SETBP1: variants seen among roughly 807,000 people sequenced by gnomAD.
SETBP1 encodes the protein SET-binding protein.
A neutral mutation model predicts 101.0 loss-of-function variants in SETBP1; 9 were observed. The ratio of observed to expected loss-of-function variants is 0.09; its 90% confidence interval spans 0.05 to 0.16. SETBP1 has a LOEUF of 0.16. Ranked by LOEUF, SETBP1 falls within the 10% of genes least tolerant of loss-of-function variation. The pLI is 1.00. For synonymous variants in SETBP1, 818 were observed against 788.5 expected, an observed-to-expected ratio of 1.04 and a Z score of -0.63; for missense variants, 1,858 against 2,033.8, an observed-to-expected ratio of 0.91 and a Z score of 1.66.
intron 2 of SETBP1, among the ~76,000 whole-genome samples, chr18:44,783,406 A>G (rs1487369720): frequency 6.6e-6 from 1 of 152,206 alleles, no homozygotes; most frequent in African/African-American, 2.4e-5. Flanking sequence ...AAGAAAAGGA[A>G]GGAAATCAAT....
intron 4 of SETBP1, among the ~76,000 whole-genome samples, chr18:44,979,325 G>T (rs1443352084): frequency 6.6e-6 from 1 of 152,162 alleles, no homozygotes; most frequent in African/African-American, 2.4e-5. Flanking sequence ...TTTCATATTT[G>T]CCTGGCCCTT....
intron 5 of SETBP1, among the ~76,000 whole-genome samples, chr18:45,039,304 C>T (rs1049285030): frequency 3.3e-5 from 5 of 152,212 alleles, no homozygotes; most frequent in African/African-American, 7.2e-5. Flanking sequence ...GTCCTTTCCA[C>T]CTCTGTTCCC....
intron 2 of SETBP1, among the ~76,000 whole-genome samples, chr18:44,806,261 ACT>A (rs2144802949): frequency 6.6e-6 from 1 of 152,246 alleles, no homozygotes; most frequent in Non-Finnish European, 1.5e-5. Flanking sequence ...TAACTTTCAA[ACT>A]CTGTTTTTGG....
intron 2 of SETBP1, among the ~76,000 whole-genome samples, chr18:44,780,725 A>G (rs1301516158): frequency 6.6e-6 from 1 of 152,210 alleles, no homozygotes; most frequent in East Asian, 1.9e-4. Context: ...GTTATGGTCT[A>G]CTGAGGAATA....
intron 2 of SETBP1, among the ~76,000 whole-genome samples, chr18:44,835,686 T>G (rs926342919): frequency 6.6e-6 from 1 of 152,240 alleles, no homozygotes; most frequent in African/African-American, 2.4e-5. Context: ...CATAGGAAGA[T>G]GCTGAGGCCC....
chr18:44,952,375 A>G lies in SETBP1; in HGVS notation c.3035A>G (p.Asp1012Gly). The G allele has an allele frequency of 6.2e-7, 1 of 1,614,090 alleles. No homozygotes were observed. The highest frequency in any genetic ancestry group is 8.5e-7 in the Non-Finnish European group (1 of 1,180,014). The change falls in exon 4 of 6, where the codon GAC becomes GGC. Residue 1012 changes from aspartate to glycine, a missense_variant. Physicochemically the swap from Asp to Gly is moderately conservative, Grantham distance 94. This residue lies in a region of SETBP1 where 255 missense variants were observed against 300.1 expected (regional missense o/e 0.85). Coordinates refer to ENST00000649279, the MANE Select transcript of SETBP1 (RefSeq NM_015559.3). ...DPLLYLRRTSDLKSKKKRGRP... is the reference protein window; with the variant it reads ...DPLLYLRRTSGLKSKKKRGRP... ...TTGCTCTATCTTCGTAGGACTTCAG[A>G]CTTGAAGTCAAAGAAGAAGCGTGGT...
chr18:44,831,715 T>A (rs147590148), intron 2 of SETBP1, among the ~76,000 whole-genome samples: 1 of 152,304 alleles, frequency 6.6e-6, no homozygotes, highest in East Asian at 1.9e-4. Context: ...GCCATATACA[T>A]GTTCTATAAA....
intron 2 of SETBP1, among the ~76,000 whole-genome samples, chr18:44,807,069 C>T (rs926109952): frequency 3.9e-5 from 6 of 152,132 alleles, no homozygotes; most frequent in Non-Finnish European, 8.8e-5. Flanking sequence ...CACCCCCTAA[C>T]TACACTGTAA....
rs566595507 is a variant in SETBP1 at position 44,855,405 on chromosome 18, A to C, written c.487-13825A>C. Among the ~76,000 whole-genome samples, 58 of 152,316 alleles carry C rather than the reference A, an allele frequency of 3.8e-4. 1 individual carries two copies. The South Asian group carries it at 0.012, about 30-fold the overall frequency. On this transcript the variant is annotated intron_variant, in intron 2 of 5. Coordinates refer to ENST00000649279, the MANE Select transcript of SETBP1 (RefSeq NM_015559.3). The stretch of plus-strand genomic sequence containing the variant: ...ATCTTTCACATGAACTCCGTGCAAA[A>C]GTCTGACTACCCTCACACCTGGATT...
intron 4 of SETBP1, among the ~76,000 whole-genome samples, chr18:45,002,738 T>C (rs1405914284): frequency 6.6e-6 from 1 of 152,232 alleles, no homozygotes; most frequent in Non-Finnish European, 1.5e-5. Context: ...AGCAACTCTC[T>C]CATCTGAAGA....
rs571288224 is a variant in SETBP1 at position 44,787,471 on chromosome 18, T to C, written c.487-81759T>C. Among the ~76,000 whole-genome samples the C allele has an allele frequency of 2.6e-5, 4 of 152,282 alleles. No homozygotes were observed. The East Asian group carries it at 7.7e-4, about 29-fold the overall frequency. ...GGCGCTCTTCATTTTATGAGATAGA[T>C]GAATTACTGAAAAAAATACACAGAC... On this transcript the variant is annotated intron_variant, in intron 2 of 5. Transcript: ENST00000649279.
At chr18:44,809,717 G>T (rs1413406791) in intron 2 of SETBP1, among the ~76,000 whole-genome samples, 1 of 152,202 alleles carries the variant, frequency 6.6e-6, no homozygotes, top group African/African-American at 2.4e-5. Context: ...GGTGAGGGGT[G>T]AAAGGAGCAG....
chr18:44,971,986 C>A (rs976193432), intron 4 of SETBP1, among the ~76,000 whole-genome samples: 1 of 152,164 alleles, frequency 6.6e-6, no homozygotes, highest in Non-Finnish European at 1.5e-5. Flanking sequence ...CCTAGGTTTT[C>A]TTCTAGGGTT....
chr18:44,863,356 T>C (rs1374650580), intron 2 of SETBP1, among the ~76,000 whole-genome samples: 1 of 152,252 alleles, frequency 6.6e-6, no homozygotes, highest in Non-Finnish European at 1.5e-5. Flanking sequence ...ACTGGGTAAG[T>C]CACTTTATCT....
intron 2 of SETBP1, among the ~76,000 whole-genome samples, chr18:44,770,593 T>G (rs2070851415): frequency 6.6e-6 from 1 of 152,238 alleles, no homozygotes; most frequent in Admixed American, 6.5e-5. Flanking sequence ...TTTGTTTTTG[T>G]TTTTGTTTTC....
chr18:44,842,381 C>A (rs534521727), intron 2 of SETBP1, among the ~76,000 whole-genome samples: 2 of 152,318 alleles, frequency 1.3e-5, no homozygotes, highest in African/African-American at 4.8e-5. Flanking sequence ...ATTGTTAAAT[C>A]ACAACCAAAT....
rs374137265 is a variant in SETBP1, at chr18:44,970,481, T to C, written c.4000+17141T>C. ...CACCTATAGTATACCAACCTTTATT[T>C]CATATTTTGTTTACAACGATTCTAG... On this transcript the variant is annotated intron_variant, in intron 4 of 5. Transcript: ENST00000649279. Among the ~76,000 whole-genome samples the C allele has an allele frequency of 2.3e-3, 346 of 152,336 alleles. 1 individual carries two copies. Among genetic ancestry groups the C allele is most frequent in the African/African-American group, 8.1e-3 (338 of 41,572 alleles).
chr18:44,920,722 G>A (rs2070560283), intron 3 of SETBP1, among the ~76,000 whole-genome samples: 1 of 152,164 alleles, frequency 6.6e-6, no homozygotes, highest in Admixed American at 6.5e-5. Flanking sequence ...TATCACATGA[G>A]TTAGAGCCCT....
At chr18:44,946,231 T>C (rs2071204579) in intron 3 of SETBP1, among the ~76,000 whole-genome samples, 1 of 152,154 alleles carries the variant, frequency 6.6e-6, no homozygotes, top group South Asian at 2.1e-4. Flanking sequence ...CCCTGCACTT[T>C]GATTGCTGAG....
Sources: allele counts gnomAD v4.1 joint callset (sites outside exome capture counted in the v4.1 genomes callset), GRCh38; gene constraint gnomAD v4.1.1; regional missense constraint gnomAD v4.1.1; transcripts MANE v1.5; gene names NCBI Gene and HGNC (gene_info 2026-07-23, HGNC 2026-07-21).